The following FHIP1B variants were observed in gnomAD, a reference collection of about 807,000 sequenced individuals.
FHIP1B encodes FHF complex subunit HOOK interacting protein 1B.
In FHIP1B, 28 loss-of-function variants were observed where a neutral mutation model predicts 82.2. The observed-to-expected ratio is 0.34, with a 90% CI of 0.25 to 0.47. FHIP1B has a LOEUF of 0.47. FHIP1B is among the 20% of genes least tolerant of loss of function. The pLI, the probability that FHIP1B is intolerant of heterozygous loss-of-function variation, is 1.00. For synonymous variants in FHIP1B, 585 were observed against 516.1 expected (o/e 1.13, Z -1.81); for missense variants, 1,110 against 1,262.6 (o/e 0.88, Z 1.83).
chr11:6,222,248 T>TA (rs1847429700), intron 6 of FHIP1B, among the ~76,000 whole-genome samples, 194 bp downstream of exon 6: 1 of 152,178 alleles, frequency 6.6e-6, no homozygotes, highest in South Asian at 2.1e-4. Flanking sequence ...TCATCTATCA[T>TA]AAAAGCAGGG....
chr11:6,219,286 A>G (rs963001227), intron 6 of FHIP1B, among the ~76,000 whole-genome samples: 3 of 152,212 alleles, frequency 2.0e-5, no homozygotes, highest in Admixed American at 6.5e-5. Context: ...CTCAGACCCA[A>G]TGGACTTCTA....
Position 6,211,697 on chromosome 11 carries a change from C to A in FHIP1B, c.2728G>T (p.Gly910Trp). 1.2e-6 allele frequency: 2 copies of A among 1,614,180 alleles called. No homozygotes were observed. Among genetic ancestry groups the A allele is most frequent in the South Asian group, 1.1e-5 (1 of 91,086 alleles). Residue 910 changes from glycine (G) to tryptophan (W), a missense_variant, in exon 12 of 12, where the codon GGG becomes TGG. Gly to Trp is a radical substitution (Grantham distance 184). Coordinates refer to ENST00000449352, the MANE Select transcript of FHIP1B (RefSeq NM_001098794.2). ...ASTPVLLTRG[G>W]APERQGEALR... ...GCCTCACCTTGGCGTTCAGGGGCCCCGCCCCGGGTGAGTAGAACTGGAGTT... is the reference window on the plus strand; with the variant it reads ...GCCTCACCTTGGCGTTCAGGGGCCCAGCCCCGGGTGAGTAGAACTGGAGTT...
intron 1 of FHIP1B, among the ~76,000 whole-genome samples, chr11:6,234,124 C>T (rs1847775992): frequency 6.6e-6 from 1 of 152,052 alleles, no homozygotes. Context: ...CACCTTTATC[C>T]AAGTCTCACA....
In FHIP1B at chr11:6,222,557, C is replaced by T; in HGVS notation, c.1076G>A (p.Arg359Gln). The T allele has an allele frequency of 8.1e-6, 13 of 1,614,098 alleles. No individual in the cohort carries two copies. Among genetic ancestry groups the T allele is most frequent in the South Asian group, 3.3e-5 (3 of 91,068 alleles). Residue 359 changes from arginine to glutamine, a missense_variant, in exon 6 of 12, where the codon CGG becomes CAG. Arg to Gln is a conservative substitution (Grantham distance 43, BLOSUM62 1). Around this residue, in one of 6 missense-constraint regions of FHIP1B, gnomAD observed 467 missense variants for 602.9 expected, o/e 0.77. Coordinates refer to ENST00000449352, the MANE Select transcript of FHIP1B (RefSeq NM_001098794.2). ...ASTAYLELFL[R>Q]SISEPALLRT... is the part of the protein sequence containing the mutation. ...GAGCAAAGCAGGCTCTGAGATACTC[C>T]GTAGGAAAAGTTCCAGATAGGCGGT...
In FHIP1B at chr11:6,223,317, A is replaced by G; in HGVS notation, c.778-79T>C. On this transcript the variant is annotated intron_variant, in intron 3 of 11. Coordinates refer to ENST00000449352, the MANE Select transcript of FHIP1B (RefSeq NM_001098794.2). The surrounding 1 kb of genome is among the most constrained non-coding windows in gnomAD (Gnocchi z 4.8). ...ACTGGAACAGGGGAGCTAGTAATCC[A>G]GAGTTTTGATGGGAATAGGGGTATA... 6.9e-7 allele frequency: 1 copy of G among 1,455,722 alleles called. No individual in the cohort carries two copies. The highest frequency in any genetic ancestry group is 9.3e-7 in the Non-Finnish European group (1 of 1,076,274). 90.2% of individuals were successfully genotyped at this position (1,455,722 alleles called of 1,614,324 possible).
intron 1 of FHIP1B, among the ~76,000 whole-genome samples, chr11:6,228,836 G>C (rs1234920171): frequency 6.6e-6 from 1 of 152,106 alleles, no homozygotes; most frequent in African/African-American, 2.4e-5. Context: ...CACTGGACAA[G>C]TACTTATCCA....
chr11:6,227,347 G>C (rs1847590021), intron 1 of FHIP1B, among the ~76,000 whole-genome samples: 1 of 152,188 alleles, frequency 6.6e-6, no homozygotes, highest in Admixed American at 6.5e-5. Flanking sequence ...CTAGTGACAG[G>C]ACTAAAATGC....
In FHIP1B at chr11:6,223,206, T is replaced by G; in HGVS notation, c.810A>C (p.Ser270=). The G allele has an allele frequency of 6.2e-7, 1 of 1,603,608 alleles. No homozygotes were observed. The highest frequency in any genetic ancestry group is 8.5e-7 in the Non-Finnish European group (1 of 1,177,570). The change falls in exon 4 of 12, where the codon TCA becomes TCC. Residue 270 remains serine, a synonymous_variant. Coordinates refer to ENST00000449352, the MANE Select transcript of FHIP1B (RefSeq NM_001098794.2). This position sits in a 1 kb window ranked among gnomAD's most constrained non-coding sequence, Gnocchi z 4.8. ...VLATGLSALY[S]SLPRKIEVPG... ...GAACCTCAATCTTTCGAGGCAGTGA[T>G]GAGTACAGGGCACTGAGCCCTGTGG...
intron 1 of FHIP1B, among the ~76,000 whole-genome samples, chr11:6,225,361 T>TTTTG (rs766536995): frequency 2.6e-5 from 4 of 152,196 alleles, no homozygotes; most frequent in Admixed American, 1.3e-4. Context: ...TCATTGCTCG[T>TTTTG]TTTGTTTGTT....
rs770210129 is a variant in FHIP1B, at chr11:6,218,510, T to C, written c.1435+90A>G. On this transcript the variant is annotated intron_variant, in intron 8 of 11. Transcript: ENST00000449352. ...ATCATTCATGGACACCTTCCTCCCC[T>C]TCACCCCAGCCCCTCCTTGCTACGC... 8 of 927,316 alleles carry C rather than the reference T, an allele frequency of 8.6e-6. No homozygotes were observed. The highest frequency in any genetic ancestry group is 2.6e-5 in the Admixed American group (1 of 38,002). The allele number at this position is 927,316 out of a possible 1,614,324, so 57.4% of individuals were successfully genotyped here. A position where few individuals can be genotyped will look rare whatever the true frequency, so the allele number is the denominator to read the frequency against.
At chr11:6,212,037 T>C in intron 11 of FHIP1B, 170 bp from the exon 12 acceptor site, 1 of 882,206 alleles carries the variant, frequency 1.1e-6, no homozygotes, top group African/African-American at 1.8e-5. Flanking sequence ...CCATTTCCTG[T>C]CCCATCCCTG....
intron 6 of FHIP1B, among the ~76,000 whole-genome samples, chr11:6,221,400 C>G (rs1229374480): frequency 4.6e-5 from 7 of 152,058 alleles, no homozygotes; most frequent in Non-Finnish European, 1.0e-4. Flanking sequence ...GCCATGAAGT[C>G]CATGGCAAAA....
rs566718404 is a variant in FHIP1B at position 6,223,913 on chromosome 11, C to G, written c.474G>C (p.Leu158=). The G allele has an allele frequency of 3.7e-6, 6 of 1,614,180 alleles. No homozygotes were observed. In the East Asian group the frequency reaches 1.3e-4, roughly 36 times the overall value. The change falls in exon 3 of 12, where the codon CTG becomes CTC. Residue 158 remains leucine, a synonymous_variant. Transcript: ENST00000449352. This position sits in a 1 kb window ranked among gnomAD's most constrained non-coding sequence, Gnocchi z 4.8. Reference sequence around the variant, plus strand: ...GCACAGGGCGGCCACAGGCATCCAGCAGGGTGAGCAGAGCCTCACGAACTG... The same window carrying G: ...GCACAGGGCGGCCACAGGCATCCAGGAGGGTGAGCAGAGCCTCACGAACTG... ...HGPVREALLT[L]LDACGRPVPS...
intron 4 of FHIP1B, 82 bp from the exon 5 acceptor site, chr11:6,222,979 G>T: frequency 6.4e-7 from 1 of 1,565,612 alleles, no homozygotes; most frequent in Non-Finnish European, 8.8e-7. Context: ...CTACAGAGAG[G>T]CATCCTACTT....
chr11:6,217,227 T>C (rs1040719630), intron 9 of FHIP1B, 144 bp downstream of exon 9: 2 of 751,088 alleles, frequency 2.7e-6, no homozygotes, highest in African/African-American at 3.4e-5. Context: ...ATGACACGTA[T>C]CTGGAAGTGA....
chr11:6,221,532 CATG>C (rs1048756045), intron 6 of FHIP1B, among the ~76,000 whole-genome samples: 10 of 152,200 alleles, frequency 6.6e-5, no homozygotes, highest in Non-Finnish European at 1.0e-4. Flanking sequence ...CCAGGTCATG[CATG>C]ATCTGAATTT....
chr11:6,231,724 T>C (rs1014877620), intron 1 of FHIP1B, among the ~76,000 whole-genome samples: 1 of 152,144 alleles, frequency 6.6e-6, no homozygotes, highest in Admixed American at 6.5e-5. Context: ...TTGCCCAGGT[T>C]GGTCTCAAAC....
chr11:6,224,464 C>T lies in FHIP1B; in HGVS notation c.53G>A (p.Arg18His), dbSNP rs552228609. ...SRLASRGPGH[R>H]IPQGANLQTP... ...TTGGAGATTGGCCCCTTGAGGTATACGGTGCCCAGGGCCCCGGGAGGCCAG... is the reference window on the plus strand; with the variant it reads ...TTGGAGATTGGCCCCTTGAGGTATATGGTGCCCAGGGCCCCGGGAGGCCAG... The change falls in exon 2 of 12, where the codon CGT (arginine) becomes CAT (histidine). Residue 18 changes from arginine to histidine, a missense_variant. By Grantham distance (29) the Arg-to-His change is conservative. Transcript: ENST00000449352. The T allele has an allele frequency of 1.2e-5, 20 of 1,613,738 alleles. No homozygotes were observed. Among genetic ancestry groups the T allele is most frequent in the Admixed American group, 5.0e-5 (3 of 59,978 alleles).
In FHIP1B at chr11:6,219,059, G is replaced by A. The variant is rs1180783432; in HGVS notation, c.1192-9C>T. 1.2e-6 allele frequency: 2 copies of A among 1,604,576 alleles called. No individual in the cohort carries two copies. The highest frequency in any genetic ancestry group is 1.7e-6 in the Non-Finnish European group (2 of 1,173,062). ...AGAGAGACCATGCAGAGCTGGGGGG[G>A]TGGAGGGGAGGGAGGGAGTCACCAT... On this transcript the variant is annotated splice_polypyrimidine_tract_variant and intron_variant, in intron 6 of 11. Transcript: ENST00000449352.
Sources: gnomAD v4.1 joint callset for allele counts (sites outside exome capture counted in the v4.1 genomes callset) on GRCh38, gnomAD v4.1.1 for gene constraint, gnomAD v4.1.1 regional missense constraint, Gnocchi (gnomAD v3.1) non-coding constraint, MANE v1.5 for transcripts, NCBI Gene and HGNC (gene_info 2026-07-23, HGNC 2026-07-21) for gene names.